DUSP22: variants seen among roughly 807,000 people sequenced by gnomAD.
The protein encoded by DUSP22 is dual specificity phosphatase 22.
DUSP22 carries 24 observed loss-of-function variants against 24.5 expected under a neutral mutation model. That is an observed-to-expected ratio of 0.98 (90% CI 0.71 to 1.38). DUSP22 has a LOEUF of 1.38. DUSP22 is among the 40% of genes most tolerant of loss of function. The pLI, the probability that DUSP22 is intolerant of heterozygous loss-of-function variation, is 0.00. For missense variants in DUSP22, 330 were observed against 269.2 expected, an observed-to-expected ratio of 1.23 and a Z score of -1.58; for synonymous variants, 160 against 106.4, an observed-to-expected ratio of 1.50 and a Z score of -3.10.
At chr6:345,010 C>T (rs1759790328) in intron 4 of DUSP22, among the ~76,000 whole-genome samples, 1 of 152,304 alleles carries the variant, frequency 6.6e-6, no homozygotes, top group Non-Finnish European at 1.5e-5. Context: ...CTTCCCTCAA[C>T]CCCAGTCTGT....
chr6:329,609 C>T (rs913483435), intron 3 of DUSP22, among the ~76,000 whole-genome samples: 4 of 152,408 alleles, frequency 2.6e-5, no homozygotes, highest in South Asian at 4.1e-4. Context: ...CATGCCACCA[C>T]GCCTGGCTAA....
intron 3 of DUSP22, among the ~76,000 whole-genome samples, chr6:327,269 A>G (rs1290497685): frequency 6.6e-6 from 1 of 152,290 alleles, no homozygotes; most frequent in African/African-American, 2.4e-5. Context: ...TTTGCCTGTC[A>G]TGGTTTTCTG....
chr6:308,770 G>T (rs529302998), intron 2 of DUSP22, among the ~76,000 whole-genome samples: 5 of 152,430 alleles, frequency 3.3e-5, no homozygotes, highest in Admixed American at 1.3e-4. Flanking sequence ...ATCAGGGTCC[G>T]TATTATGGTA....
intron 5 of DUSP22, among the ~76,000 whole-genome samples, chr6:347,100 A>G (rs9503340): frequency 9.6e-3 from 1,462 of 151,936 alleles, no homozygotes; most frequent in Middle Eastern, 0.017. Context: ...TGGGGGTTCA[A>G]TTGGAGCCAA....
At chr6:322,413 C>A (rs796542518) in intron 3 of DUSP22, among the ~76,000 whole-genome samples, 27 of 152,410 alleles carry the variant, frequency 1.8e-4, no homozygotes, top group Non-Finnish European at 3.5e-4. Flanking sequence ...CCTGCAGGGG[C>A]GCCTCAGGGT....
intron 1 of DUSP22, among the ~76,000 whole-genome samples, chr6:301,124 C>G (rs1757562386): frequency 6.6e-6 from 1 of 152,302 alleles, no homozygotes; most frequent in African/African-American, 2.4e-5. Flanking sequence ...TCTATACTAA[C>G]AGCTGGGCTC....
intron 4 of DUSP22, among the ~76,000 whole-genome samples, chr6:340,103 G>A (rs1355889089): frequency 6.6e-6 from 1 of 152,310 alleles, no homozygotes; most frequent in Non-Finnish European, 1.5e-5. Context: ...AAATGATGTT[G>A]TAGTAAGTGG....
At chr6:310,825 T>C (rs1265226285) in intron 2 of DUSP22, among the ~76,000 whole-genome samples, 5 of 152,308 alleles carry the variant, frequency 3.3e-5, no homozygotes, top group African/African-American at 1.2e-4. Context: ...CAAAATGGTC[T>C]CGTAAATTTA....
chr6:305,952 C>G (rs373370925), intron 2 of DUSP22, among the ~76,000 whole-genome samples: 1 of 152,308 alleles, frequency 6.6e-6, no homozygotes, highest in African/African-American at 2.4e-5. Context: ...TCTATAATGT[C>G]TGTTTCCACA....
rs1172617008 is a variant in DUSP22, at chr6:350,541, A to G, written c.*1590A>G. ...AAAGGTGAGCTTTTTGGGGACCGGG[A>G]AAAACAAAGTTGCCTGATTCCGCGC... is the stretch of plus-strand genomic sequence containing the variant. On this transcript the variant is annotated 3_prime_UTR_variant, in exon 7 of 7. Transcript: ENST00000419235. 2 of 1,347,344 alleles carry G rather than the reference A, an allele frequency of 1.5e-6. No homozygotes were observed. The highest frequency in any genetic ancestry group is 1.5e-5 in the African/African-American group (1 of 68,076). 83.5% of individuals were successfully genotyped at this position (1,347,344 alleles called of 1,614,324 possible). A position where few individuals can be genotyped will look rare whatever the true frequency, so the allele number is the denominator to read the frequency against.
At chr6:301,388 A>G (rs796399938) in intron 1 of DUSP22, among the ~76,000 whole-genome samples, 7 of 152,420 alleles carry the variant, frequency 4.6e-5, no homozygotes, top group African/African-American at 1.7e-4. Flanking sequence ...TCGGCTGGAC[A>G]TAAGAAAGAA....
At chr6:305,372 A>G (rs1251579473) in intron 2 of DUSP22, among the ~76,000 whole-genome samples, 1 of 152,308 alleles carries the variant, frequency 6.6e-6, no homozygotes, top group East Asian at 1.9e-4. Context: ...AAGGTGTTGG[A>G]CAACAGGCAC....
intron 4 of DUSP22, chr6:337,087 G>A (rs1172056565): frequency 1.3e-5 from 2 of 152,580 alleles, no homozygotes; most frequent in African/African-American, 4.8e-5. Flanking sequence ...CTGTCCTTGA[G>A]CTGTCCCCAG....
chr6:304,493 GTGTC>G, intron 1 of DUSP22, 131 bp from the exon 2 acceptor site: 1 of 1,316,928 alleles, frequency 7.6e-7, no homozygotes, highest in Non-Finnish European at 1.1e-6. Context: ...GGTCACCCGC[GTGTC>G]TGTCAGGGAG....
chr6:323,344 C>T (rs1421152011), intron 3 of DUSP22, among the ~76,000 whole-genome samples: 12 of 152,420 alleles, frequency 7.9e-5, no homozygotes, highest in South Asian at 6.2e-4. Flanking sequence ...CTACTGCCAG[C>T]GTCAAGTTTC....
chr6:350,253 G>A lies in DUSP22; in HGVS notation c.*1302G>A. 2.0e-6 allele frequency: 2 copies of A among 988,832 alleles called. No individual in the cohort carries two copies. The highest frequency in any genetic ancestry group is 2.4e-6 in the Non-Finnish European group (2 of 832,336). The allele number at this position is 988,832 out of a possible 1,614,324, so 61.3% of individuals were successfully genotyped here. ...GTTTGGGCTCCAGTAATGCTTTCTGGTGGGTAAAATTCCACATTCAGGCCA... is the reference window on the plus strand; with the variant it reads ...GTTTGGGCTCCAGTAATGCTTTCTGATGGGTAAAATTCCACATTCAGGCCA... On this transcript the variant is annotated 3_prime_UTR_variant, in exon 7 of 7. Coordinates refer to ENST00000419235, the MANE Select transcript of DUSP22 (RefSeq NM_001286555.3).
chr6:348,955 A>G lies in DUSP22; in HGVS notation c.*4A>G. 1 of 1,579,950 alleles carries G rather than the reference A, an allele frequency of 6.3e-7. No individual in the cohort carries two copies. Among genetic ancestry groups the G allele is most frequent in the Non-Finnish European group, 8.6e-7 (1 of 1,162,132 alleles). ...TAATTATACGACGGAGACCTAACGC[A>G]AGCGACCTGCTGCCTTCCTTCCCAC... On this transcript the variant is annotated 3_prime_UTR_variant, in exon 7 of 7. Transcript: ENST00000419235.
intron 1 of DUSP22, among the ~76,000 whole-genome samples, chr6:299,704 T>C (rs1437561203): frequency 7.2e-5 from 11 of 152,304 alleles, no homozygotes; most frequent in African/African-American, 2.7e-4. Context: ...AAAATACTCA[T>C]CTTCAATTCC....
At chr6:329,792 A>G (rs1422148071) in intron 3 of DUSP22, among the ~76,000 whole-genome samples, 1 of 152,306 alleles carries the variant, frequency 6.6e-6, no homozygotes, top group African/African-American at 2.4e-5. Flanking sequence ...ACAAAATAGT[A>G]TAGAGAGAGG....
Sources: allele counts gnomAD v4.1 joint callset (sites outside exome capture counted in the v4.1 genomes callset), GRCh38; gene constraint gnomAD v4.1.1; transcripts MANE v1.5; gene names NCBI Gene and HGNC (gene_info 2026-07-23, HGNC 2026-07-21).